The following RGS6 variants were observed in gnomAD, a reference collection of about 807,000 sequenced individuals.
RGS6 encodes regulator of G-protein signaling 6.
A neutral mutation model predicts 78.5 loss-of-function variants in RGS6; 30 were observed. That is an observed-to-expected ratio of 0.38 (90% CI 0.29 to 0.52). The LOEUF (loss-of-function observed/expected upper bound fraction) is 0.52. RGS6 is among the 20% of genes least tolerant of loss of function. The probability of loss-of-function intolerance (pLI) is 0.85; values close to 1 mark genes in which losing one functional copy is unlikely to be tolerated. For synonymous variants in RGS6, 206 were observed against 206.0 expected (o/e 1.00, Z 0.00); for missense variants, 495 against 609.7 (o/e 0.81, Z 1.98).
At chr14:72,269,699 G>C (rs1341227645) in intron 2 of RGS6, among the ~76,000 whole-genome samples, 1 of 150,876 alleles carries the variant, frequency 6.6e-6, no homozygotes, top group East Asian at 2.0e-4. Context: ...CAAATAGCTG[G>C]GACTACAGGC....
At chr14:71,998,529 G>A (rs879539042) in intron 2 of RGS6, among the ~76,000 whole-genome samples, 4 of 152,186 alleles carry the variant, frequency 2.6e-5, no homozygotes, top group Non-Finnish European at 5.9e-5. Context: ...GCTCTTTCTC[G>A]GCCTTCATGG....
At chr14:72,247,460 C>T (rs2054514469) in intron 2 of RGS6, among the ~76,000 whole-genome samples, 1 of 152,158 alleles carries the variant, frequency 6.6e-6, no homozygotes, top group African/African-American at 2.4e-5. Context: ...TCTGAGTGAC[C>T]AAATGCAATT....
chr14:71,934,767 A>G (rs1262599838), intron 1 of RGS6, among the ~76,000 whole-genome samples: 1 of 152,240 alleles, frequency 6.6e-6, no homozygotes, highest in Non-Finnish European at 1.5e-5. Context: ...CTACAGGGAC[A>G]TAATTTTGTG....
At chr14:72,264,136 A>G (rs2058645073) in intron 2 of RGS6, among the ~76,000 whole-genome samples, 1 of 152,354 alleles carries the variant, frequency 6.6e-6, no homozygotes, top group African/African-American at 2.4e-5. Context: ...CACCAAACAC[A>G]TTACGAGAAA....
chr14:72,039,602 T>C (rs2092158824), intron 2 of RGS6, among the ~76,000 whole-genome samples: 1 of 152,178 alleles, frequency 6.6e-6, no homozygotes. Context: ...GGGAATCTCT[T>C]GTATACATCA....
At chr14:72,572,475 T>C in the RGS6 span, among the ~76,000 whole-genome samples, 1 of 152,200 alleles carries the variant, frequency 6.6e-6, no homozygotes, top group Non-Finnish European at 1.5e-5. Context: ...TAAAAAGGAA[T>C]GAAGTATGGA....
At chr14:72,602,058 A>G in the RGS6 span, among the ~76,000 whole-genome samples, 1 of 152,254 alleles carries the variant, frequency 6.6e-6, no homozygotes, top group Admixed American at 6.5e-5. Context: ...TACGGGGCCA[A>G]GGGCTTTACC....
chr14:72,527,447 A>G (rs916830545), intron 15 of RGS6, among the ~76,000 whole-genome samples: 1 of 152,168 alleles, frequency 6.6e-6, no homozygotes. Context: ...TGGGTAAGCC[A>G]CTTGACCTGT....
chr14:72,231,714 C>G (rs2153811042), intron 2 of RGS6, among the ~76,000 whole-genome samples: 1 of 152,296 alleles, frequency 6.6e-6, no homozygotes, highest in Non-Finnish European at 1.5e-5. Context: ...TTAAACAGGA[C>G]CCCGAAGGCA....
intron 2 of RGS6, among the ~76,000 whole-genome samples, chr14:72,255,876 G>T (rs2056972958): frequency 1.3e-5 from 2 of 152,118 alleles, no homozygotes; most frequent in South Asian, 4.1e-4. Flanking sequence ...AGAAAGTATT[G>T]TTCAAATACC....
intron 2 of RGS6, among the ~76,000 whole-genome samples, chr14:72,003,352 A>G (rs1302178289): frequency 6.6e-6 from 1 of 152,220 alleles, no homozygotes; most frequent in Non-Finnish European, 1.5e-5. Flanking sequence ...CACAACATAC[A>G]ACTTGCCACT....
the RGS6 span, among the ~76,000 whole-genome samples, chr14:71,920,598 T>G: frequency 6.6e-6 from 1 of 151,038 alleles, no homozygotes; most frequent in Non-Finnish European, 1.5e-5. Flanking sequence ...GCTTAAAACC[T>G]TTCTGTGAAT....
the RGS6 span, among the ~76,000 whole-genome samples, chr14:72,579,935 G>T: frequency 4.6e-5 from 7 of 152,216 alleles, no homozygotes; most frequent in African/African-American, 1.7e-4. Flanking sequence ...TAGAGATTGG[G>T]TGAGATCTGG....
chr14:71,925,209 C>T, the RGS6 span, among the ~76,000 whole-genome samples: 3 of 151,986 alleles, frequency 2.0e-5, no homozygotes, highest in South Asian at 2.1e-4. Flanking sequence ...GCCATTTTTA[C>T]GTCTTTTAAA....
At chr14:72,525,755 C>T (rs2097108973) in intron 15 of RGS6, among the ~76,000 whole-genome samples, 1 of 152,182 alleles carries the variant, frequency 6.6e-6, no homozygotes, top group African/African-American at 2.4e-5. Flanking sequence ...CACCAAGTTT[C>T]CTGGTATTAA....
intron 3 of RGS6, among the ~76,000 whole-genome samples, chr14:72,445,504 A>G (rs907188718): frequency 1.3e-5 from 2 of 149,954 alleles, no homozygotes; most frequent in African/African-American, 4.9e-5. Flanking sequence ...TTTTAACAGT[A>G]TCAGTGGGTG....
At position 72,026,578 on chromosome 14, in the gene RGS6, G is replaced by C. The variant is rs1034197828; in HGVS notation, c.84+61703G>C. 8.5e-5 allele frequency among the ~76,000 whole-genome samples: 13 copies of C among 152,310 alleles called. No individual in the cohort carries two copies. In the East Asian group the frequency reaches 1.2e-3, roughly 14 times the overall value. On this transcript the variant is annotated intron_variant, in intron 2 of 17. Transcript: ENST00000553525. The stretch of plus-strand genomic sequence containing the variant: ...CCAGTAAACATCTCTCTGAGTGCCA[G>C]CCAATCAAAGAATCAATTACAGCCT...
At chr14:72,118,374 C>T (rs969483555) in intron 2 of RGS6, among the ~76,000 whole-genome samples, 4 of 152,130 alleles carry the variant, frequency 2.6e-5, no homozygotes, top group African/African-American at 9.7e-5. Context: ...TACCCCATGC[C>T]TTCATAAGGT....
chr14:72,186,338 C>T (rs567227766), intron 2 of RGS6, among the ~76,000 whole-genome samples: 4 of 152,338 alleles, frequency 2.6e-5, no homozygotes, highest in East Asian at 1.9e-4. Context: ...TGCGTAAGTT[C>T]TGTATAGTAC....
Sources: allele counts gnomAD v4.1 joint callset (sites outside exome capture counted in the v4.1 genomes callset), GRCh38; gene constraint gnomAD v4.1.1; transcripts MANE v1.5; gene names NCBI Gene and HGNC (gene_info 2026-07-23, HGNC 2026-07-21).